The following LARP4 variants were observed in gnomAD, a reference collection of about 807,000 sequenced individuals.
LARP4 encodes the protein la-related protein 4.
LARP4 carries 29 observed loss-of-function variants against 92.9 expected under a neutral mutation model. That is an observed-to-expected ratio of 0.31 (90% confidence interval 0.23 to 0.43). The LOEUF (loss-of-function observed/expected upper bound fraction) is 0.43. LARP4 is among the 20% of genes least tolerant of loss of function. The pLI, the probability that LARP4 is intolerant of heterozygous loss-of-function variation, is 1.00. For synonymous variants in LARP4, 279 were observed against 284.1 expected (o/e 0.98, Z 0.18); for missense variants, 732 against 860.0 (o/e 0.85, Z 1.86).
chr12:50,459,822 CAAAAAAA>C (rs59855735), intron 10 of LARP4, among the ~76,000 whole-genome samples: 6 of 99,854 alleles, frequency 6.0e-5, no homozygotes, highest in African/African-American at 2.7e-4. Context: ...GACTCCGTAT[CAAAAAAA>C]AAAAAAAAAA....
chr12:50,436,305 C>T (rs1358289053), intron 5 of LARP4, among the ~76,000 whole-genome samples: 2 of 151,770 alleles, frequency 1.3e-5, no homozygotes, highest in African/African-American at 4.8e-5. Context: ...GCGTGAGCCA[C>T]CACCCCCGGC....
At chr12:50,446,334 T>C (rs1279315931) in intron 8 of LARP4, among the ~76,000 whole-genome samples, 10 of 11,764 alleles carry the variant, frequency 8.5e-4, no homozygotes, top group Non-Finnish European at 3.6e-3. Flanking sequence ...TAGTGGTCTC[T>C]CTCTCTCCCT....
rs539116465 is a variant in LARP4 at position 50,419,942 on chromosome 12, C to G, written c.19-7820C>G. Among the ~76,000 whole-genome samples, 8 of 152,224 alleles carry G rather than the reference C, an allele frequency of 5.3e-5. No individual in the cohort carries two copies. In the South Asian group the frequency reaches 1.7e-3, roughly 32 times the overall value. On this transcript the variant is annotated intron_variant, in intron 1 of 15. Transcript: ENST00000398473. Reference sequence around the variant, plus strand: ...TTTAAACATAATCTTTAATAAAATTCTTACAAAGTTCTAAGAAAAATAGCC... The same window carrying G: ...TTTAAACATAATCTTTAATAAAATTGTTACAAAGTTCTAAGAAAAATAGCC...
intron 1 of LARP4, among the ~76,000 whole-genome samples, chr12:50,425,694 G>A (rs1299710442): frequency 6.6e-6 from 1 of 152,100 alleles, no homozygotes; most frequent in Admixed American, 6.6e-5. Flanking sequence ...TCTTAGTGAG[G>A]TGGACCCCAG....
intron 10 of LARP4, among the ~76,000 whole-genome samples, chr12:50,460,212 C>T (rs980818561): frequency 3.3e-5 from 5 of 151,934 alleles, no homozygotes; most frequent in African/African-American, 9.7e-5. Flanking sequence ...TTAAACATGT[C>T]GAGAGTGCCT....
At chr12:50,455,452 G>A (rs1370165993) in intron 10 of LARP4, among the ~76,000 whole-genome samples, 1 of 152,128 alleles carries the variant, frequency 6.6e-6, no homozygotes, top group Non-Finnish European at 1.5e-5. Context: ...CTTCTCGTTT[G>A]CTGTTTTGTG....
intron 8 of LARP4, among the ~76,000 whole-genome samples, chr12:50,444,074 C>G (rs930756570): frequency 2.6e-5 from 4 of 152,140 alleles, no homozygotes; most frequent in African/African-American, 9.7e-5. Flanking sequence ...AACAGCCAAA[C>G]AAAATCTATA....
intron 1 of LARP4, among the ~76,000 whole-genome samples, chr12:50,424,091 A>G (rs1948337614): frequency 2.0e-5 from 3 of 152,140 alleles, no homozygotes; most frequent in Admixed American, 2.0e-4. Flanking sequence ...TTCTTGGCCC[A>G]GTGCAGTGGC....
intron 1 of LARP4, 63 bp downstream of exon 1, chr12:50,401,091 G>T: frequency 3.2e-6 from 5 of 1,586,766 alleles, no homozygotes; most frequent in Non-Finnish European, 3.5e-6. Flanking sequence ...GGCGCCGGCC[G>T]GTCCCACCGC....
At chr12:50,404,291 G>A (rs745703963) in intron 1 of LARP4, among the ~76,000 whole-genome samples, 25 of 152,174 alleles carry the variant, frequency 1.6e-4, no homozygotes, top group Non-Finnish European at 2.8e-4. Flanking sequence ...AGTGAACATG[G>A]AAGCTTGTAT....
intron 6 of LARP4, among the ~76,000 whole-genome samples, chr12:50,439,310 T>C (rs1003205738): frequency 6.6e-6 from 1 of 152,180 alleles, no homozygotes; most frequent in Admixed American, 6.5e-5. Flanking sequence ...TGAAAAACAG[T>C]AAATAAAACA....
At chr12:50,446,427 ATATTT>A (rs1440568962) in intron 8 of LARP4, among the ~76,000 whole-genome samples, 5 of 10,360 alleles carry the variant, frequency 4.8e-4, no homozygotes, top group African/African-American at 6.0e-4. Context: ...ATATATATAT[ATATTT>A]TTTTTTTTTT....
intron 1 of LARP4, among the ~76,000 whole-genome samples, chr12:50,412,692 A>C (rs531808593): frequency 1.3e-4 from 20 of 152,308 alleles, no homozygotes; most frequent in African/African-American, 4.8e-4. Context: ...TGGGGATGAC[A>C]TATTGCTTAG....
rs970894460 is a variant in LARP4, at chr12:50,435,501, A to C, written c.412A>C (p.Lys138Gln). 1.9e-6 allele frequency: 3 copies of C among 1,545,618 alleles called. No homozygotes were observed. The African/African-American group carries it at 4.1e-5, about 21-fold the overall frequency. ...EFCFSRENLS[K>Q]DLYLISQMDS... ...TTGTTTTTTCAGAGAAAATTTGTCA[A>C]AGGATCTTTACTTGATATCTCAAAT... The change falls in exon 5 of 16, where the codon AAG becomes CAG. Residue 138 changes from lysine (K) to glutamine (Q), a missense_variant. Around this residue, in one of 7 missense-constraint regions of LARP4, gnomAD observed 236 missense variants for 307.6 expected, o/e 0.77. Coordinates refer to ENST00000398473, the MANE Select transcript of LARP4 (RefSeq NM_052879.5).
At chr12:50,403,271 T>A (rs983844026) in intron 1 of LARP4, among the ~76,000 whole-genome samples, 2 of 152,136 alleles carry the variant, frequency 1.3e-5, no homozygotes, top group African/African-American at 4.8e-5. Context: ...AGGAAAAAAA[T>A]TTGCGTGTTT....
At chr12:50,463,384 T>A (rs1169896659) in intron 12 of LARP4, among the ~76,000 whole-genome samples, 1 of 119,680 alleles carries the variant, frequency 8.4e-6, no homozygotes, top group Non-Finnish European at 1.6e-5. Context: ...AGGAGTTGGA[T>A]ACCAGCCTGG....
intron 13 of LARP4, among the ~76,000 whole-genome samples, chr12:50,469,483 A>G (rs1032451110): frequency 1.3e-5 from 2 of 151,034 alleles, no homozygotes; most frequent in African/African-American, 4.9e-5. Flanking sequence ...GGGTGCCTGT[A>G]GTTCCAGCTT....
At position 50,433,574 on chromosome 12, in the gene LARP4, T is replaced by G. The variant is rs576134727; in HGVS notation, c.399-1914T>G. Among the ~76,000 whole-genome samples the G allele has an allele frequency of 3.9e-5, 6 of 152,216 alleles. No homozygotes were observed. The South Asian group carries it at 1.2e-3, about 32-fold the overall frequency. ...GCTAAATTTCAGAGTTCATTTAGGC[T>G]ACAGCTTTTTAGTTTTGCAAAAATT... On this transcript the variant is annotated intron_variant, in intron 4 of 15. Transcript: ENST00000398473.
At chr12:50,429,380 C>T (rs1213822353) in intron 3 of LARP4, among the ~76,000 whole-genome samples, 1 of 151,760 alleles carries the variant, frequency 6.6e-6, no homozygotes, top group African/African-American at 2.4e-5. Context: ...GAGGCCCAGG[C>T]GGGCAGATCA....
Sources: gnomAD v4.1 joint callset for allele counts (sites outside exome capture counted in the v4.1 genomes callset) on GRCh38, gnomAD v4.1.1 for gene constraint, gnomAD v4.1.1 regional missense constraint, MANE v1.5 for transcripts, NCBI Gene and HGNC (gene_info 2026-07-23, HGNC 2026-07-21) for gene names.